PPM1L: variants seen among roughly 807,000 people sequenced by gnomAD.
PPM1L encodes protein phosphatase 1L.
In PPM1L, 13 loss-of-function variants were observed where a neutral mutation model predicts 31.4. The ratio of observed to expected loss-of-function variants is 0.41; its 90% CI spans 0.27 to 0.66. The LOEUF (loss-of-function observed/expected upper bound fraction) is 0.66, where lower values mean the gene tolerates loss of function less well. Among genes scored for constraint, PPM1L ranks in the 30% least tolerant of loss-of-function variants. The pLI, the probability that PPM1L is intolerant of heterozygous loss-of-function variation, is 0.29. For missense variants in PPM1L, 326 were observed against 453.7 expected (o/e 0.72, Z 2.56); for synonymous variants, 184 against 175.4 (o/e 1.05, Z -0.39).
intron 2 of PPM1L, among the ~76,000 whole-genome samples, chr3:161,039,013 C>G (rs899184577): frequency 1.3e-5 from 2 of 152,162 alleles, no homozygotes; most frequent in Non-Finnish European, 2.9e-5. Context: ...AGCACCATGA[C>G]AGTTTACAAA....
intron 1 of PPM1L, among the ~76,000 whole-genome samples, chr3:160,852,758 C>T (rs1381721622): frequency 6.6e-6 from 1 of 152,178 alleles, no homozygotes; most frequent in Non-Finnish European, 1.5e-5. Flanking sequence ...TTGGTCATCT[C>T]TAAAGGTACT....
At chr3:160,805,189 T>C (rs1455420194) in intron 1 of PPM1L, among the ~76,000 whole-genome samples, 1 of 152,234 alleles carries the variant, frequency 6.6e-6, no homozygotes, top group African/African-American at 2.4e-5. Flanking sequence ...GTACTGAGTG[T>C]AATTTATATC....
chr3:160,985,739 C>A (rs561110462), intron 2 of PPM1L, among the ~76,000 whole-genome samples: 14 of 113,986 alleles, frequency 1.2e-4, no homozygotes, highest in Admixed American at 2.7e-4. Flanking sequence ...TAGTTATTTA[C>A]CTGAATTGAT....
At chr3:161,040,844 T>C (rs1718886037) in intron 2 of PPM1L, among the ~76,000 whole-genome samples, 1 of 152,174 alleles carries the variant, frequency 6.6e-6, no homozygotes, top group South Asian at 2.1e-4. Flanking sequence ...ACAAGACAAT[T>C]AAGAAAATAA....
chr3:160,770,052 T>G (rs1352644731), intron 1 of PPM1L, among the ~76,000 whole-genome samples: 1 of 152,224 alleles, frequency 6.6e-6, no homozygotes, highest in Admixed American at 6.5e-5. Context: ...TTCATTATGT[T>G]TTCTCATCTG....
At chr3:160,988,253 G>A (rs778643) in intron 2 of PPM1L, among the ~76,000 whole-genome samples, 95,621 of 152,016 alleles carry the variant, frequency 0.63, 32,532 homozygotes, top group East Asian at 0.98. Context: ...TGACATCCAT[G>A]GGAAGGTGAG....
At chr3:161,000,743 T>C (rs1717454709) in intron 2 of PPM1L, among the ~76,000 whole-genome samples, 1 of 152,170 alleles carries the variant, frequency 6.6e-6, no homozygotes, top group Admixed American at 6.5e-5. Context: ...CAATTAGAAA[T>C]TATCATTTGA....
intron 2 of PPM1L, among the ~76,000 whole-genome samples, chr3:160,985,496 G>T (rs1716934096): frequency 6.6e-6 from 1 of 152,178 alleles, no homozygotes; most frequent in East Asian, 1.9e-4. Context: ...ATTCTCTAAA[G>T]CCAGTACTTA....
chr3:161,013,036 T>C (rs1405669954), intron 2 of PPM1L, among the ~76,000 whole-genome samples: 1 of 152,226 alleles, frequency 6.6e-6, no homozygotes, highest in Non-Finnish European at 1.5e-5. Flanking sequence ...AGTTCTGCTC[T>C]GATCTTAGTT....
intron 1 of PPM1L, among the ~76,000 whole-genome samples, chr3:160,844,067 C>A (rs1576666160): frequency 6.6e-6 from 1 of 152,166 alleles, no homozygotes; most frequent in Non-Finnish European, 1.5e-5. Context: ...AGACTGGATA[C>A]CCCTGCTTTT....
intron 1 of PPM1L, among the ~76,000 whole-genome samples, chr3:160,791,136 A>T (rs1178828740): frequency 6.6e-6 from 1 of 152,142 alleles, no homozygotes. Context: ...TATAAGGCTA[A>T]GGTCACAATG....
rs183288444 is a variant in PPM1L at position 160,955,856 on chromosome 3, G to A, written c.400-5880G>A. 2.0e-4 allele frequency among the ~76,000 whole-genome samples: 30 copies of A among 151,660 alleles called. No individual in the cohort carries two copies. The East Asian group carries it at 4.1e-3, about 21-fold the overall frequency. The stretch of plus-strand genomic sequence containing the variant: ...TTTTTAATAGAGACGGGGTTTCACC[G>A]TGTTAGCCAGGATGGTCTCCATCTC... On this transcript the variant is annotated intron_variant, in intron 1 of 3. Transcript: ENST00000498165.
At chr3:160,973,774 T>TTG (rs1365045070) in intron 2 of PPM1L, among the ~76,000 whole-genome samples, 18 of 47,340 alleles carry the variant, frequency 3.8e-4, no homozygotes, top group African/African-American at 1.9e-3. Flanking sequence ...GTTTTTTTTT[T>TTG]TTTTTTTTTT....
At chr3:160,948,722 C>G (rs1486624527) in intron 1 of PPM1L, among the ~76,000 whole-genome samples, 3 of 152,102 alleles carry the variant, frequency 2.0e-5, no homozygotes, top group East Asian at 3.9e-4. Context: ...TTTAAAAAAG[C>G]TGTGGCACTG....
chr3:161,044,404 G>A (rs1340874939), intron 2 of PPM1L, among the ~76,000 whole-genome samples: 2 of 151,200 alleles, frequency 1.3e-5, no homozygotes, highest in African/African-American at 4.9e-5. Context: ...GGGAGCAAAT[G>A]CAAGTTGAGC....
intron 2 of PPM1L, among the ~76,000 whole-genome samples, chr3:160,964,063 A>G (rs1716056669): frequency 6.6e-6 from 1 of 152,000 alleles, no homozygotes; most frequent in Admixed American, 6.6e-5. Flanking sequence ...ATGTTTGGGG[A>G]AGTCCTTAGA....
intron 2 of PPM1L, among the ~76,000 whole-genome samples, chr3:161,007,603 A>G (rs902553575): frequency 6.6e-6 from 1 of 152,192 alleles, no homozygotes; most frequent in African/African-American, 2.4e-5. Context: ...ATGTGGCCCA[A>G]CACAAATTCG....
At chr3:160,947,516 C>A (rs1027683693) in intron 1 of PPM1L, among the ~76,000 whole-genome samples, 2 of 152,110 alleles carry the variant, frequency 1.3e-5, no homozygotes, top group African/African-American at 4.8e-5. Flanking sequence ...ACCCTCTTCT[C>A]CCCATTCCTC....
At chr3:161,031,398 CTG>C (rs1718557718) in intron 2 of PPM1L, among the ~76,000 whole-genome samples, 1 of 152,124 alleles carries the variant, frequency 6.6e-6, no homozygotes, top group South Asian at 2.1e-4. Context: ...TTTAGCTAGA[CTG>C]TGAAGCTAGG....
Sources: allele counts gnomAD v4.1 joint callset (sites outside exome capture counted in the v4.1 genomes callset), GRCh38; gene constraint gnomAD v4.1.1; transcripts MANE v1.5; gene names NCBI Gene and HGNC (gene_info 2026-07-23, HGNC 2026-07-21).